GPC5: variants seen among roughly 807,000 people sequenced by gnomAD.
The protein encoded by GPC5 is glypican-5.
In GPC5, 47 loss-of-function variants were observed where a neutral mutation model predicts 53.9. That is an observed-to-expected ratio of 0.87 (90% CI 0.69 to 1.11). The LOEUF (loss-of-function observed/expected upper bound fraction) is 1.11, where lower values mean the gene tolerates loss of function less well. Ranked by LOEUF, GPC5 falls within the 50% of genes most tolerant of loss-of-function variation. The pLI, the probability that GPC5 is intolerant of heterozygous loss-of-function variation, is 0.00. For synonymous variants in GPC5, 286 were observed against 263.3 expected, an observed-to-expected ratio of 1.09 and a Z score of -0.84; for missense variants, 748 against 713.1, an observed-to-expected ratio of 1.05 and a Z score of -0.56.
intron 5 of GPC5, among the ~76,000 whole-genome samples, chr13:91,833,738 G>T (rs1252008838): frequency 6.6e-6 from 1 of 151,938 alleles, no homozygotes; most frequent in Non-Finnish European, 1.5e-5. Context: ...TTGATGGAAC[G>T]TATCCCAAAA....
intron 6 of GPC5, among the ~76,000 whole-genome samples, chr13:91,985,048 T>TATCGTAA (rs1209877551): frequency 6.6e-6 from 1 of 152,224 alleles, no homozygotes; most frequent in Middle Eastern, 3.2e-3. Context: ...ATTAGAAAGT[T>TATCGTAA]ATCGTAAATT....
chr13:92,437,573 A>G (rs562167172), intron 7 of GPC5, among the ~76,000 whole-genome samples: 79 of 152,170 alleles, frequency 5.2e-4, no homozygotes, highest in Non-Finnish European at 1.0e-3. Flanking sequence ...AAATTCAATC[A>G]TTTCACACAG....
chr13:91,918,696 A>G (rs2139013232), intron 6 of GPC5, among the ~76,000 whole-genome samples: 1 of 151,778 alleles, frequency 6.6e-6, no homozygotes, highest in South Asian at 2.1e-4. Context: ...TTCAGTTCTT[A>G]TCTCACTGGC....
At chr13:91,516,436 G>A (rs1264689621) in intron 2 of GPC5, among the ~76,000 whole-genome samples, 1 of 152,188 alleles carries the variant, frequency 6.6e-6, no homozygotes, top group East Asian at 1.9e-4. Context: ...GACCTCCTTT[G>A]ACTCAAGTTC....
At chr13:92,475,202 T>C (rs1322075525) in intron 7 of GPC5, among the ~76,000 whole-genome samples, 1 of 151,128 alleles carries the variant, frequency 6.6e-6, no homozygotes, top group Non-Finnish European at 1.5e-5. Flanking sequence ...TTTGGTTCCA[T>C]ATGAACTTTA....
intron 7 of GPC5, among the ~76,000 whole-genome samples, chr13:92,357,723 CAGA>C (rs1480828964): frequency 6.6e-6 from 1 of 151,490 alleles, no homozygotes; most frequent in Non-Finnish European, 1.5e-5. Context: ...ATGGCCAGAG[CAGA>C]AGAAGAGAGA....
chr13:91,538,554 C>A (rs1391792808), intron 2 of GPC5, among the ~76,000 whole-genome samples: 2 of 150,790 alleles, frequency 1.3e-5, no homozygotes, highest in Non-Finnish European at 3.0e-5. Flanking sequence ...AGATGTTAAT[C>A]TCCAGAACAT....
At chr13:92,484,978 C>T (rs1253019745) in intron 7 of GPC5, among the ~76,000 whole-genome samples, 1 of 152,086 alleles carries the variant, frequency 6.6e-6, no homozygotes, top group Non-Finnish European at 1.5e-5. Context: ...TCAAGTGATC[C>T]ACCTGCCTCG....
intron 1 of GPC5, among the ~76,000 whole-genome samples, chr13:91,423,603 G>T (rs979146089): frequency 6.6e-6 from 1 of 152,156 alleles, no homozygotes; most frequent in Admixed American, 6.6e-5. Context: ...TGTGGAAAGA[G>T]AGAATGTTGG....
chr13:91,432,200 CTGCTGTGTGTGTG>C (rs1566389968), intron 1 of GPC5, among the ~76,000 whole-genome samples: 1 of 65,766 alleles, frequency 1.5e-5, no homozygotes, highest in African/African-American at 7.3e-5. Flanking sequence ...GCTGCTGCTG[CTGCTGTGTGTGTG>C]TGTGTGTGTG....
intron 5 of GPC5, among the ~76,000 whole-genome samples, chr13:91,870,318 A>G (rs1487378161): frequency 6.6e-6 from 1 of 152,208 alleles, no homozygotes; most frequent in African/African-American, 2.4e-5. Context: ...AATGACAGCA[A>G]TTCTTGTCCT....
At chr13:91,543,643 T>G (rs969241373) in intron 2 of GPC5, among the ~76,000 whole-genome samples, 4 of 152,214 alleles carry the variant, frequency 2.6e-5, no homozygotes, top group African/African-American at 9.6e-5. Context: ...ATAAAGATGT[T>G]GAATCTATAC....
At chr13:92,412,865 G>C (rs941308526) in intron 7 of GPC5, among the ~76,000 whole-genome samples, 3 of 152,128 alleles carry the variant, frequency 2.0e-5, no homozygotes, top group African/African-American at 7.2e-5. Context: ...TTTGCTAAAA[G>C]CTTTTCCAAA....
chr13:91,442,716 C>T (rs1237905241), intron 1 of GPC5, among the ~76,000 whole-genome samples: 1 of 152,174 alleles, frequency 6.6e-6, no homozygotes, highest in African/African-American at 2.4e-5. Context: ...TGTTTGATTC[C>T]TTCGGCAAGA....
At chr13:92,077,766 G>A (rs554252665) in intron 6 of GPC5, among the ~76,000 whole-genome samples, 1 of 152,266 alleles carries the variant, frequency 6.6e-6, no homozygotes, top group African/African-American at 2.4e-5. Context: ...AAATTGAGGA[G>A]AAACTGTCCT....
rs1566403345 is a variant in GPC5, at chr13:92,031,805, A to ATAATATATTACATATTATATATAATATG, written c.1402-112998_1402-112997insGTAATATATTACATATTATATATAATAT. Among the ~76,000 whole-genome samples the ATAATATATTACATATTATATATAATATG allele has an allele frequency of 4.8e-4, 46 of 95,606 alleles. 2 individuals carry two copies. The highest frequency in any genetic ancestry group is 2.0e-3 in the African/African-American group (35 of 17,450). 62.7% of individuals were successfully genotyped at this position (95,606 alleles called of 152,430 possible). ...ATATATTACATATTATATATAATAT[A>ATAATATATTACATATTATATATAATATG]TAATATATTACATATTATATATAAT... On this transcript the variant is annotated intron_variant, in intron 6 of 7. Transcript: ENST00000377067.
At chr13:92,707,709 T>C (rs1887998455) in intron 7 of GPC5, among the ~76,000 whole-genome samples, 1 of 152,116 alleles carries the variant, frequency 6.6e-6, no homozygotes, top group Non-Finnish European at 1.5e-5. Context: ...TGAAAACACC[T>C]TTAATCCTTC....
chr13:92,172,599 A>G (rs2042078439), intron 7 of GPC5, among the ~76,000 whole-genome samples: 1 of 152,200 alleles, frequency 6.6e-6, no homozygotes, highest in African/African-American at 2.4e-5. Flanking sequence ...TAGTCACAAT[A>G]CATTTTATGT....
chr13:92,642,650 G>T (rs1172030707), intron 7 of GPC5, among the ~76,000 whole-genome samples: 1 of 152,182 alleles, frequency 6.6e-6, no homozygotes, highest in African/African-American at 2.4e-5. Context: ...CCCAGCCCTT[G>T]AGTTTGCAAA....
Sources: gnomAD v4.1 joint callset for allele counts (sites outside exome capture counted in the v4.1 genomes callset) on GRCh38, gnomAD v4.1.1 for gene constraint, MANE v1.5 for transcripts, NCBI Gene and HGNC (gene_info 2026-07-23, HGNC 2026-07-21) for gene names.